The following CEP57L1 variants were observed in gnomAD, a reference collection of about 807,000 sequenced individuals.
CEP57L1 encodes centrosomal protein 57 like 1, also known as centrosomal protein CEP57L1.
CEP57L1 carries 37 observed loss-of-function variants against 61.0 expected under a neutral mutation model. The ratio of observed to expected loss-of-function variants is 0.61; its 90% CI spans 0.47 to 0.80. The LOEUF is 0.80. Ranked by LOEUF, CEP57L1 falls within the 30% of genes least tolerant of loss-of-function variation. CEP57L1 has a pLI of 0.00. For missense variants in CEP57L1, 422 were observed against 524.7 expected, an observed-to-expected ratio of 0.80 and a Z score of 1.91; for synonymous variants, 137 against 162.3, an observed-to-expected ratio of 0.84 and a Z score of 1.19.
At chr6:109,097,859 G>A (rs1281577906) in intron 1 of CEP57L1, among the ~76,000 whole-genome samples, 1 of 152,166 alleles carries the variant, frequency 6.6e-6, no homozygotes, top group African/African-American at 2.4e-5. Context: ...TAGATGCCTG[G>A]GCAAATAACA....
At chr6:109,142,853 T>C (rs1387958753) in intron 1 of CEP57L1, among the ~76,000 whole-genome samples, 1 of 152,126 alleles carries the variant, frequency 6.6e-6, no homozygotes, top group African/African-American at 2.4e-5. Flanking sequence ...GAAATATTTC[T>C]CATATGTGCC....
intron 1 of CEP57L1, among the ~76,000 whole-genome samples, chr6:109,101,056 A>G (rs1782331241): frequency 6.6e-6 from 1 of 152,214 alleles, no homozygotes; most frequent in Admixed American, 6.5e-5. Context: ...GCAGTGAGCC[A>G]AGATCGCACC....
At chr6:109,099,179 A>G (rs1782074241) in intron 1 of CEP57L1, among the ~76,000 whole-genome samples, 1 of 152,194 alleles carries the variant, frequency 6.6e-6, no homozygotes, top group Non-Finnish European at 1.5e-5. Flanking sequence ...GAGGAGAAAG[A>G]TCTGGCAATA....
intron 1 of CEP57L1, among the ~76,000 whole-genome samples, chr6:109,101,071 C>T (rs897605359): frequency 2.0e-5 from 3 of 152,210 alleles, no homozygotes; most frequent in African/African-American, 7.2e-5. Context: ...CGCACCACTG[C>T]ACTCCAGTCT....
rs1040063151 is a variant in CEP57L1, at chr6:109,165,229, T to G, written c.*2259T>G. ...TCTGGGACTCTACCATTTAATAGCT[T>G]GGACAAGTCAGATAACTTTCTGGAG... On this transcript the variant is annotated 3_prime_UTR_variant, in exon 11 of 11. Transcript: ENST00000517392. Among the ~76,000 whole-genome samples the G allele has an allele frequency of 2.6e-5, 4 of 152,132 alleles. No homozygotes were observed. Among genetic ancestry groups the G allele is most frequent in the African/African-American group, 9.7e-5 (4 of 41,426 alleles).
intron 4 of CEP57L1, among the ~76,000 whole-genome samples, chr6:109,151,375 A>G (rs1317131208): frequency 2.6e-5 from 4 of 152,350 alleles, no homozygotes; most frequent in Non-Finnish European, 5.9e-5. Context: ...TAGCTGCTCT[A>G]TGAACTAAAA....
intron 1 of CEP57L1, among the ~76,000 whole-genome samples, chr6:109,104,314 A>T (rs561383456): frequency 0.026 from 3,015 of 116,572 alleles, 111 homozygotes; most frequent in African/African-American, 0.092. Context: ...ATATTTATTT[A>T]AAAAAAAAAT....
intron 1 of CEP57L1, among the ~76,000 whole-genome samples, chr6:109,117,920 A>G (rs1159810687): frequency 6.6e-6 from 1 of 152,174 alleles, no homozygotes; most frequent in Non-Finnish European, 1.5e-5. Context: ...CACTTTCAGC[A>G]TTTGGCATAG....
At chr6:109,153,805 G>C (rs773585830) in intron 4 of CEP57L1, 28 bp from the exon 5 acceptor site, 1 of 1,359,286 alleles carries the variant, frequency 7.4e-7, no homozygotes, top group Non-Finnish European at 1.0e-6. Flanking sequence ...CAAATTCAGG[G>C]TTGCTATTTT....
At chr6:109,130,178 T>C (rs1774018931) in intron 1 of CEP57L1, among the ~76,000 whole-genome samples, 2 of 152,268 alleles carry the variant, frequency 1.3e-5, no homozygotes, top group African/African-American at 4.8e-5. Flanking sequence ...TCTAAAACTT[T>C]TTCATCTGGC....
intron 1 of CEP57L1, among the ~76,000 whole-genome samples, chr6:109,116,525 G>T (rs1023448977): frequency 2.6e-5 from 4 of 152,052 alleles, no homozygotes; most frequent in African/African-American, 9.7e-5. Context: ...TAGACTAATT[G>T]ATATATATGT....
In CEP57L1 at chr6:109,101,915, A is replaced by G. The variant is rs185781150; in HGVS notation, c.-4+6340A>G. ...ATTATAGGCGTGAGCCACCGCGCCCAGCCATACAGCTGTTTTTCAAAGCAG... is the reference window on the plus strand; with the variant it reads ...ATTATAGGCGTGAGCCACCGCGCCCGGCCATACAGCTGTTTTTCAAAGCAG... On this transcript the variant is annotated intron_variant, in intron 1 of 10. Transcript: ENST00000517392. 8.3e-3 allele frequency among the ~76,000 whole-genome samples: 1,262 copies of G among 152,212 alleles called. 24 individuals carry two copies. The highest frequency in any genetic ancestry group is 0.029 in the African/African-American group (1,211 of 41,538).
intron 1 of CEP57L1, among the ~76,000 whole-genome samples, chr6:109,129,041 A>G (rs1448157196): frequency 2.0e-5 from 3 of 152,162 alleles, no homozygotes; most frequent in Non-Finnish European, 2.9e-5. Context: ...TCTACTAAAA[A>G]TACAAAAAAT....
Position 109,164,528 on chromosome 6 carries a change from A to G in CEP57L1, c.*1558A>G, listed in dbSNP as rs1018594559. Among the ~76,000 whole-genome samples, 1 of 152,094 alleles carries G rather than the reference A, an allele frequency of 6.6e-6. No homozygotes were observed. Among genetic ancestry groups the G allele is most frequent in the African/African-American group, 2.4e-5 (1 of 41,428 alleles). ...AGCTCCTCAGCCCTGGAGATGTTCC[A>G]TAGGGTGTTTGATCTAAACTCAGTT... is the stretch of plus-strand genomic sequence containing the variant. On this transcript the variant is annotated 3_prime_UTR_variant, in exon 11 of 11. Coordinates refer to ENST00000517392, the MANE Select transcript of CEP57L1 (RefSeq NM_001271852.3).
intron 1 of CEP57L1, among the ~76,000 whole-genome samples, chr6:109,137,281 A>T (rs1257361523): frequency 1.3e-5 from 2 of 152,018 alleles, no homozygotes; most frequent in Non-Finnish European, 2.9e-5. Context: ...ACTTAGTTAT[A>T]TCATGACTTT....
intron 1 of CEP57L1, among the ~76,000 whole-genome samples, chr6:109,128,657 T>C (rs1278915537): frequency 6.6e-6 from 1 of 152,198 alleles, no homozygotes; most frequent in Non-Finnish European, 1.5e-5. Context: ...ACAAAATCCT[T>C]TGTGGCATGG....
chr6:109,125,117 G>T (rs1191534211), intron 1 of CEP57L1: 1 of 152,070 alleles, frequency 6.6e-6, no homozygotes, highest in African/African-American at 2.4e-5. Context: ...CCAGTGAAGG[G>T]GTAAACAATA....
intron 1 of CEP57L1, among the ~76,000 whole-genome samples, chr6:109,111,187 C>G (rs1161792325): frequency 2.0e-5 from 3 of 152,092 alleles, no homozygotes; most frequent in African/African-American, 7.2e-5. Flanking sequence ...TTGTTTGTGT[C>G]CTCTCTTATT....
At position 109,170,440 on chromosome 6, in the gene CEP57L1, T is replaced by C. The variant is rs1375021354; in HGVS notation, c.*7470T>C. Reference sequence around the variant, plus strand: ...GTTGTTAGTTTGCCTTAAAGTTAAATGTACATTGACCTTTGGTATTTCTTA... The same window carrying C: ...GTTGTTAGTTTGCCTTAAAGTTAAACGTACATTGACCTTTGGTATTTCTTA... On this transcript the variant is annotated 3_prime_UTR_variant, in exon 11 of 11. Transcript: ENST00000517392. Among the ~76,000 whole-genome samples, 1 of 152,180 alleles carries C rather than the reference T, an allele frequency of 6.6e-6. No individual in the cohort carries two copies. The highest frequency in any genetic ancestry group is 1.5e-5 in the Non-Finnish European group (1 of 68,026).
Sources: gnomAD v4.1 joint callset for allele counts (sites outside exome capture counted in the v4.1 genomes callset) on GRCh38, gnomAD v4.1.1 for gene constraint, MANE v1.5 for transcripts, NCBI Gene and HGNC (gene_info 2026-07-23, HGNC 2026-07-21) for gene names.